The following GOLM2 variants were observed in gnomAD, a reference collection of about 807,000 sequenced individuals.
The protein encoded by GOLM2 is golgi membrane protein 2, also known as protein GOLM2.
In GOLM2, 26 loss-of-function variants were observed where a neutral mutation model predicts 55.9. The ratio of observed to expected loss-of-function variants is 0.47; its 90% confidence interval spans 0.34 to 0.65. GOLM2 has a LOEUF of 0.65. Ranked by LOEUF, GOLM2 falls within the 30% of genes least tolerant of loss-of-function variation. The pLI is 0.01. For synonymous variants in GOLM2, 165 were observed against 194.6 expected (o/e 0.85, Z 1.27); for missense variants, 486 against 531.8 (o/e 0.91, Z 0.85).
intron 6 of GOLM2, 52 bp from the exon 7 acceptor site, chr15:44,379,638 T>TGA: frequency 1.4e-6 from 1 of 710,022 alleles, no homozygotes; most frequent in Non-Finnish European, 2.3e-6. Context: ...TTTTTTTTTT[T>TGA]AGAAATCATA....
chr15:44,319,886 G>A (rs1194864461), intron 1 of GOLM2, among the ~76,000 whole-genome samples: 1 of 152,188 alleles, frequency 6.6e-6, no homozygotes, highest in African/African-American at 2.4e-5. Context: ...ACTGCACCTG[G>A]CCATTTTTGT....
rs746515645 is a variant in GOLM2 at position 44,289,066 on chromosome 15, C to A, written c.37C>A (p.Leu13Met). 5 of 1,613,974 alleles carry A rather than the reference C, an allele frequency of 3.1e-6. No individual in the cohort carries two copies. In the Admixed American group the frequency reaches 8.3e-5, roughly 27 times the overall value. ...CGGGGCCAACCGGCGGGCTGGCCGC[C>A]TGCCCTCTCTCGTGCTGGTGGTGCT... ...GFGANRRAGR[L>M]PSLVLVVLLV... The change falls in exon 1 of 10, where the codon CTG (leucine) becomes ATG (methionine). Residue 13 changes from leucine to methionine, a missense_variant. Transcript: ENST00000299957. This position sits in a 1 kb window ranked among gnomAD's most constrained non-coding sequence, Gnocchi z 4.8.
intron 1 of GOLM2, among the ~76,000 whole-genome samples, chr15:44,295,104 G>A (rs1339744009): frequency 1.3e-5 from 2 of 149,882 alleles, no homozygotes; most frequent in Admixed American, 6.6e-5. Flanking sequence ...TTCTGAGATG[G>A]AGCCTCACTC....
chr15:44,332,499 A>G (rs1342220850), intron 4 of GOLM2, among the ~76,000 whole-genome samples: 2 of 151,952 alleles, frequency 1.3e-5, no homozygotes, highest in African/African-American at 2.4e-5. Flanking sequence ...GGAGGAGGTT[A>G]CAATGAGCCA....
intron 6 of GOLM2, among the ~76,000 whole-genome samples, chr15:44,349,098 A>G (rs1454388280): frequency 6.6e-6 from 1 of 151,922 alleles, no homozygotes; most frequent in African/African-American, 2.4e-5. Context: ...CGTCTCTACT[A>G]AAAATACAAA....
intron 1 of GOLM2, among the ~76,000 whole-genome samples, chr15:44,307,086 C>T (rs10152313): frequency 0.023 from 3,563 of 152,140 alleles, 147 homozygotes; most frequent in African/African-American, 0.081. Flanking sequence ...AATACATTTG[C>T]TCGATGCAGG....
intron 1 of GOLM2, among the ~76,000 whole-genome samples, chr15:44,304,083 G>A (rs2078818629): frequency 6.6e-6 from 1 of 151,314 alleles, no homozygotes; most frequent in Non-Finnish European, 1.5e-5. Flanking sequence ...ATGTTCCCCA[G>A]GGCTGGTCTT....
intron 6 of GOLM2, among the ~76,000 whole-genome samples, chr15:44,373,053 T>C (rs2079338945): frequency 1.3e-5 from 2 of 152,228 alleles, no homozygotes; most frequent in African/African-American, 4.8e-5. Context: ...ACATTTATAT[T>C]ATGTTCTATA....
chr15:44,302,475 A>G (rs1237737198), intron 1 of GOLM2, among the ~76,000 whole-genome samples: 5 of 146,660 alleles, frequency 3.4e-5, no homozygotes, highest in African/African-American at 5.1e-5. Context: ...TTCCAATGAT[A>G]TATTGTGAAT....
rs1322690653 is a variant in GOLM2 at position 44,292,590 on chromosome 15, A to G, written c.327+3234A>G. Among the ~76,000 whole-genome samples the G allele has an allele frequency of 7.9e-5, 12 of 152,170 alleles. No homozygotes were observed. In the South Asian group the frequency reaches 2.5e-3, roughly 32 times the overall value. ...AGGCTGCTTTCAAACTCCTGGCTCCAAGTGATCTTGCCTTGGGCTCACAAA... is the reference window on the plus strand; with the variant it reads ...AGGCTGCTTTCAAACTCCTGGCTCCGAGTGATCTTGCCTTGGGCTCACAAA... On this transcript the variant is annotated intron_variant, in intron 1 of 9. Coordinates refer to ENST00000299957, the MANE Select transcript of GOLM2 (RefSeq NM_138423.4).
Position 44,338,300 on chromosome 15 carries a change from T to A in GOLM2, c.785T>A (p.Val262Asp), listed in dbSNP as rs371987081. ...ATAGAAGAGAATGACCTAGCAAAAG[T>A]TGATGATCTTCCCCCTGGTAAGTAA... ...PGIEENDLAK[V>D]DDLPPALRKP... Residue 262 changes from valine to aspartate, a missense_variant, in exon 6 of 10, where the codon GTT becomes GAT. Coordinates refer to ENST00000299957, the MANE Select transcript of GOLM2 (RefSeq NM_138423.4). 1 of 1,613,368 alleles carries A rather than the reference T, an allele frequency of 6.2e-7. No individual in the cohort carries two copies. Among genetic ancestry groups the A allele is most frequent in the South Asian group, 1.1e-5 (1 of 91,030 alleles).
intron 6 of GOLM2, among the ~76,000 whole-genome samples, chr15:44,378,819 C>T (rs1473689989): frequency 1.3e-5 from 2 of 151,510 alleles, no homozygotes; most frequent in African/African-American, 4.8e-5. Flanking sequence ...GATCTCAGCT[C>T]ACTGCAACTT....
chr15:44,288,745 G>A lies in GOLM2; in HGVS notation c.-285G>A, dbSNP rs974861060. On this transcript the variant is annotated 5_prime_UTR_variant, in exon 1 of 10. Transcript: ENST00000299957. The stretch of plus-strand genomic sequence containing the variant: ...CCGCCTCCCAACCGTGAGGTGTTGG[G>A]TTTGGGGGACGCTGGCAGCTGGGTT... 2.1e-5 allele frequency: 10 copies of A among 469,180 alleles called. No homozygotes were observed. The highest frequency in any genetic ancestry group is 3.8e-6 in the Non-Finnish European group (1 of 264,886). The allele number at this position is 469,180 out of a possible 1,614,324, so 29.1% of individuals were successfully genotyped here. A position where few individuals can be genotyped will look rare whatever the true frequency, so the allele number is the denominator to read the frequency against.
In GOLM2 at chr15:44,289,650, G is replaced by A. The variant is rs1199090347; in HGVS notation, c.327+294G>A. 1.3e-5 allele frequency among the ~76,000 whole-genome samples: 2 copies of A among 152,176 alleles called. No individual in the cohort carries two copies. The highest frequency in any genetic ancestry group is 4.8e-5 in the African/African-American group (2 of 41,434). ...GTGAGTTGGCAGTAGTAATCATCTG[G>A]CCTGTGTGGCCCCCTTACCTTCAAA... On this transcript the variant is annotated intron_variant, in intron 1 of 9. Coordinates refer to ENST00000299957, the MANE Select transcript of GOLM2 (RefSeq NM_138423.4). This position sits in a 1 kb window ranked among gnomAD's most constrained non-coding sequence, Gnocchi z 4.8.
At chr15:44,324,720 A>T (rs1475446980) in intron 2 of GOLM2, among the ~76,000 whole-genome samples, 2 of 152,158 alleles carry the variant, frequency 1.3e-5, no homozygotes, top group Non-Finnish European at 2.9e-5. Flanking sequence ...TTACTGAAAG[A>T]AAGTTCAAAG....
intron 1 of GOLM2, among the ~76,000 whole-genome samples, chr15:44,296,202 C>T (rs151264304): frequency 3.3e-5 from 5 of 152,284 alleles, no homozygotes; most frequent in East Asian, 3.9e-4. Flanking sequence ...TACAGGTGTG[C>T]ACCACTGTGC....
At chr15:44,397,880 G>A (rs1428738006) in intron 8 of GOLM2, among the ~76,000 whole-genome samples, 1 of 152,166 alleles carries the variant, frequency 6.6e-6, no homozygotes, top group African/African-American at 2.4e-5. Flanking sequence ...ATTAATTATA[G>A]TTTCCAGGCT....
chr15:44,317,780 A>G (rs1227423186), intron 1 of GOLM2, among the ~76,000 whole-genome samples: 2 of 152,026 alleles, frequency 1.3e-5, no homozygotes. Flanking sequence ...CATTTCCCCA[A>G]TTCTCTCCCT....
At chr15:44,304,230 C>CTTCTTTTTTTTT (rs1301281420) in intron 1 of GOLM2, among the ~76,000 whole-genome samples, 6 of 82,870 alleles carry the variant, frequency 7.2e-5, no homozygotes, top group African/African-American at 3.0e-4. Flanking sequence ...GGCTCCACTT[C>CTTCTTTTTTTTT]TTTTTTTTTT....
Sources: gnomAD v4.1 joint callset for allele counts (sites outside exome capture counted in the v4.1 genomes callset) on GRCh38, gnomAD v4.1.1 for gene constraint, Gnocchi (gnomAD v3.1) non-coding constraint, MANE v1.5 for transcripts, NCBI Gene and HGNC (gene_info 2026-07-23, HGNC 2026-07-21) for gene names.